The following COL25A1 variants were observed in gnomAD, a reference collection of about 807,000 sequenced individuals.
The protein encoded by COL25A1 is collagen type XXV alpha 1 chain, also known as collagen alpha-1(XXV) chain.
Under a neutral mutation model 128.4 loss-of-function variants are expected in COL25A1, and 103 were observed. The ratio of observed to expected loss-of-function variants is 0.80; its 90% CI spans 0.68 to 0.94. COL25A1 has a LOEUF of 0.94. COL25A1 is among the 40% of genes least tolerant of loss of function. The pLI is 0.00. For missense variants in COL25A1, 745 were observed against 840.0 expected (o/e 0.89, Z 1.40); for synonymous variants, 279 against 277.2 (o/e 1.01, Z -0.06).
intron 6 of COL25A1, among the ~76,000 whole-genome samples, chr4:108,994,530 G>A (rs1754555214): frequency 1.3e-5 from 2 of 152,206 alleles, no homozygotes; most frequent in African/African-American, 4.8e-5. Flanking sequence ...ACCTCTGTGG[G>A]CAGGGCATAG....
chr4:108,962,185 C>CTTTTT (rs201713906), intron 8 of COL25A1, among the ~76,000 whole-genome samples: 1 of 131,954 alleles, frequency 7.6e-6, no homozygotes, highest in African/African-American at 2.6e-5. Context: ...TACCTCGATT[C>CTTTTT]TTTTTTTTTC....
chr4:109,283,674 T>G (rs559226310), intron 3 of COL25A1, among the ~76,000 whole-genome samples: 1 of 152,368 alleles, frequency 6.6e-6, no homozygotes, highest in African/African-American at 2.4e-5. Context: ...TGTCTGACAT[T>G]TGAGTTTGCC....
chr4:109,112,007 ACTC>A (rs2126039743), intron 3 of COL25A1, among the ~76,000 whole-genome samples: 1 of 151,366 alleles, frequency 6.6e-6, no homozygotes, highest in South Asian at 2.1e-4. Flanking sequence ...AATCCTAGCT[ACTC>A]CTTCTAGTTT....
intron 31 of COL25A1, among the ~76,000 whole-genome samples, chr4:108,839,723 A>G (rs1336850501): frequency 6.6e-6 from 1 of 152,220 alleles, no homozygotes; most frequent in Admixed American, 6.5e-5. Context: ...ACTTGCATAG[A>G]TATCTATGAG....
intron 8 of COL25A1, among the ~76,000 whole-genome samples, chr4:108,968,090 C>T (rs1408637339): frequency 1.3e-5 from 2 of 152,086 alleles, no homozygotes; most frequent in African/African-American, 4.8e-5. Context: ...GGAATCAAGG[C>T]GGGAAGTACA....
chr4:109,065,535 C>CGCGT (rs1762353610), intron 3 of COL25A1, among the ~76,000 whole-genome samples: 1 of 128,544 alleles, frequency 7.8e-6, no homozygotes, highest in African/African-American at 3.1e-5. Flanking sequence ...GTGCAGCACG[C>CGCGT]GCGCGCGCGC....
intron 20 of COL25A1, among the ~76,000 whole-genome samples, chr4:108,866,291 C>T (rs939787339): frequency 6.6e-6 from 1 of 151,024 alleles, no homozygotes; most frequent in Non-Finnish European, 1.5e-5. Context: ...CTCCTGGGCT[C>T]AGGTGATCCT....
intron 9 of COL25A1, among the ~76,000 whole-genome samples, chr4:108,941,130 T>C (rs1748037393): frequency 2.0e-5 from 3 of 152,234 alleles, no homozygotes; most frequent in Non-Finnish European, 4.4e-5. Flanking sequence ...AGTTACAATT[T>C]ATAATTTTTT....
chr4:108,991,837 T>C (rs1754260159), intron 6 of COL25A1, among the ~76,000 whole-genome samples: 1 of 152,164 alleles, frequency 6.6e-6, no homozygotes, highest in Non-Finnish European at 1.5e-5. Flanking sequence ...GCTTAGTATA[T>C]AATTAAAAAC....
At chr4:109,128,011 G>A (rs528949895) in intron 3 of COL25A1, among the ~76,000 whole-genome samples, 1 of 152,264 alleles carries the variant, frequency 6.6e-6, no homozygotes, top group African/African-American at 2.4e-5. Context: ...CCTGAGCATG[G>A]AAATAAAGGA....
At chr4:109,178,495 TATCTG>T (rs1774304791) in intron 3 of COL25A1, among the ~76,000 whole-genome samples, 1 of 151,898 alleles carries the variant, frequency 6.6e-6, no homozygotes, top group Non-Finnish European at 1.5e-5. Flanking sequence ...GAGGACAAAC[TATCTG>T]ATCTCTGTAA....
At chr4:109,022,222 GCTCTTT>G (rs1757841688) in intron 5 of COL25A1, 1 of 452,246 alleles carries the variant, frequency 2.2e-6, no homozygotes, top group Admixed American at 2.4e-5. Flanking sequence ...CTCTCTTTGT[GCTCTTT>G]CTCTTTATTT....
At chr4:109,003,323 T>C (rs1023593505) in intron 6 of COL25A1, among the ~76,000 whole-genome samples, 6 of 152,252 alleles carry the variant, frequency 3.9e-5, no homozygotes, top group African/African-American at 1.4e-4. Context: ...CTGGGTCTGC[T>C]TATCCACCAC....
chr4:108,862,924 T>C (rs1737431581), intron 21 of COL25A1, among the ~76,000 whole-genome samples: 1 of 152,210 alleles, frequency 6.6e-6, no homozygotes, highest in Non-Finnish European at 1.5e-5. Context: ...TGCAGAAAGT[T>C]TAAATGAATA....
rs1053446722 is a variant in COL25A1 at position 108,809,381 on chromosome 4, A to G, written c.*4546T>C. On this transcript the variant is annotated 3_prime_UTR_variant, in exon 38 of 38. Coordinates refer to ENST00000399132, the MANE Select transcript of COL25A1 (RefSeq NM_198721.4). ...AAACATTTACAACAGTATAAAGAAT[A>G]TTCACATAAATGTCAACAGTATGTA... The G allele has an allele frequency of 9.2e-5, 14 of 152,166 alleles. No individual in the cohort carries two copies. The East Asian group carries it at 2.5e-3, about 27-fold the overall frequency. 9.4% of individuals were successfully genotyped at this position (152,166 alleles called of 1,614,324 possible).
At chr4:108,841,364 C>T (rs559466871) in intron 31 of COL25A1, among the ~76,000 whole-genome samples, 1 of 151,746 alleles carries the variant, frequency 6.6e-6, no homozygotes, top group South Asian at 2.1e-4. Flanking sequence ...TTAGAGACAC[C>T]ATTAAAAAAA....
In COL25A1 at chr4:109,042,684, A is replaced by G. The variant is rs563405780; in HGVS notation, c.420+5484T>C. Among the ~76,000 whole-genome samples, 161 of 152,252 alleles carry G rather than the reference A, an allele frequency of 1.1e-3. 4 individuals carry two copies. The South Asian group carries it at 0.032, about 30-fold the overall frequency. On this transcript the variant is annotated intron_variant, in intron 5 of 37. Transcript: ENST00000399132. ...TGAGTCCAAATATAAATTTTTAAAT[A>G]TTATAATAAGTAGGAATATAAAAAG...
At chr4:108,830,451 T>C (rs1732947988) in intron 32 of COL25A1, among the ~76,000 whole-genome samples, 1 of 152,240 alleles carries the variant, frequency 6.6e-6, no homozygotes, top group African/African-American at 2.4e-5. Flanking sequence ...TTGCCGATTC[T>C]GACTTCTTTA....
rs140511225 is a variant in COL25A1, at chr4:108,887,452, C to T, written c.975+1769G>A. On this transcript the variant is annotated intron_variant, in intron 18 of 37. Coordinates refer to ENST00000399132, the MANE Select transcript of COL25A1 (RefSeq NM_198721.4). ...TGTTGGGCTAAGTATTGCCAAGTCC[C>T]GATATTAGACAAAGGAAGTCATAAT... Among the ~76,000 whole-genome samples, 622 of 152,062 alleles carry T rather than the reference C, an allele frequency of 4.1e-3. 3 individuals carry two copies. The highest frequency in any genetic ancestry group is 6.5e-3 in the Non-Finnish European group (444 of 68,000).
Sources: gnomAD v4.1 joint callset for allele counts (sites outside exome capture counted in the v4.1 genomes callset) on GRCh38, gnomAD v4.1.1 for gene constraint, MANE v1.5 for transcripts, NCBI Gene and HGNC (gene_info 2026-07-23, HGNC 2026-07-21) for gene names.